PFKFB4: variants seen among roughly 807,000 people sequenced by gnomAD.
PFKFB4 encodes the protein 6-phosphofructo-2-kinase/fructose-2,6-bisphosphatase 4.
In PFKFB4, 42 loss-of-function variants were observed where a neutral mutation model predicts 62.8. The observed-to-expected ratio is 0.67, with a 90% CI of 0.52 to 0.86. PFKFB4 has a LOEUF of 0.86. Among genes scored for constraint, PFKFB4 ranks in the 40% least tolerant of loss-of-function variants. The pLI, the probability that PFKFB4 is intolerant of heterozygous loss-of-function variation, is 0.00. For missense variants in PFKFB4, 475 were observed against 627.2 expected (o/e 0.76, Z 2.59); for synonymous variants, 204 against 240.7 (o/e 0.85, Z 1.41).
chr3:48,543,341 A>T (rs893828726), intron 4 of PFKFB4, among the ~76,000 whole-genome samples: 2 of 152,196 alleles, frequency 1.3e-5, no homozygotes, highest in African/African-American at 2.4e-5. Context: ...AAGCATCCAG[A>T]GGGAAGTCCT....
intron 8 of PFKFB4, 105 bp downstream of exon 8, chr3:48,536,151 T>C: frequency 1.1e-6 from 1 of 946,242 alleles, no homozygotes; most frequent in Admixed American, 2.1e-5. Flanking sequence ...GACTGCACAT[T>C]AAAAGAATGG....
rs372406939 is a variant in PFKFB4, at chr3:48,523,592, C to T, written c.1230G>A (p.Leu410=). Reference sequence around the variant, plus strand: ...TGTGCAGCGGACACTTGAGGTAGGGCAGCTGTTCTGTAGACACAGAGGGGG... The same window carrying T: ...TGTGCAGCGGACACTTGAGGTAGGGTAGCTGTTCTGTAGACACAGAGGGGG... ...AYFLDKAAEQ[L]PYLKCPLHTV... The change falls in exon 12 of 14, where the codon CTG becomes CTA. Residue 410 remains leucine, a synonymous_variant. Coordinates refer to ENST00000232375, the MANE Select transcript of PFKFB4 (RefSeq NM_004567.4). 5.6e-6 allele frequency: 9 copies of T among 1,614,034 alleles called. No homozygotes were observed. In the African/African-American group the frequency reaches 1.2e-4, roughly 22 times the overall value.
chr3:48,559,420 C>G, upstream of PFKFB4: 1 of 426,486 alleles, frequency 2.3e-6, no homozygotes, highest in Non-Finnish European at 4.8e-6. Context: ...AAAGCGAGTC[C>G]ACAGTGCAGC....
At position 48,518,809 on chromosome 3, in the gene PFKFB4, G is replaced by A. The variant is rs1280104393; in HGVS notation, c.*938C>T. ...GTTTCTGCCACCAGTGTACATTCCT[G>A]TGTGGACACGGGCAGCAACAGGGGA... is the stretch of plus-strand genomic sequence containing the variant. On this transcript the variant is annotated 3_prime_UTR_variant, in exon 14 of 14. Coordinates refer to ENST00000232375, the MANE Select transcript of PFKFB4 (RefSeq NM_004567.4). The A allele has an allele frequency of 6.6e-6, 1 of 152,232 alleles. No homozygotes were observed. The highest frequency in any genetic ancestry group is 6.5e-5 in the Admixed American group (1 of 15,288). 9.4% of individuals were successfully genotyped at this position (152,232 alleles called of 1,614,324 possible).
chr3:48,562,922 G>C, upstream of PFKFB4: 1 of 1,605,140 alleles, frequency 6.2e-7, no homozygotes, highest in Non-Finnish European at 8.5e-7. The surrounding 1 kb of genome is among the most constrained non-coding windows in gnomAD (Gnocchi z 4.3). Context: ...GCGCGAGCCA[G>C]GGTGGCGGGT....
intron 3 of PFKFB4, among the ~76,000 whole-genome samples, chr3:48,543,902 C>G (rs1299094232): frequency 2.0e-5 from 3 of 152,152 alleles, no homozygotes; most frequent in Non-Finnish European, 4.4e-5. Context: ...TATTTTCCCT[C>G]ATCCTCTCAT....
upstream of PFKFB4, chr3:48,559,904 A>C (rs1349671190): frequency 1.3e-5 from 1 of 74,408 alleles, no homozygotes; most frequent in Non-Finnish European, 2.5e-5. Context: ...CCCACCACAC[A>C]CACACACACA....
chr3:48,525,339 G>T (rs2042223285), intron 10 of PFKFB4, among the ~76,000 whole-genome samples: 1 of 152,158 alleles, frequency 6.6e-6, no homozygotes, highest in Non-Finnish European at 1.5e-5. Flanking sequence ...TTGAAGGCCT[G>T]CCCTACATGG....
intron 3 of PFKFB4, among the ~76,000 whole-genome samples, chr3:48,545,914 A>G (rs1459149422): frequency 6.6e-6 from 1 of 152,194 alleles, no homozygotes; most frequent in Non-Finnish European, 1.5e-5. Flanking sequence ...TTCTGGGCTA[A>G]GATCTCTTTT....
chr3:48,538,953 G>T (rs534467160), intron 6 of PFKFB4, among the ~76,000 whole-genome samples: 29 of 152,146 alleles, frequency 1.9e-4, no homozygotes, highest in Non-Finnish European at 4.0e-4. Flanking sequence ...GGGAAGGAAA[G>T]AATGAGTCTT....
At chr3:48,562,319 C>G (rs2043444521), upstream of PFKFB4, 1 of 162,548 alleles carries the variant, frequency 6.2e-6, no homozygotes, top group African/African-American at 2.4e-5. This position sits in a 1 kb window ranked among gnomAD's most constrained non-coding sequence, Gnocchi z 4.3. Flanking sequence ...CTGTGGGCCT[C>G]AGAGGGACTG....
upstream of PFKFB4, among the ~76,000 whole-genome samples, chr3:48,557,768 C>G (rs959599526): frequency 2.6e-5 from 4 of 152,106 alleles, no homozygotes; most frequent in Non-Finnish European, 4.4e-5. Flanking sequence ...AACTCCTGAC[C>G]TCAGGTGATA....
At chr3:48,541,690 G>T (rs1157071391) in intron 4 of PFKFB4, among the ~76,000 whole-genome samples, 1 of 152,242 alleles carries the variant, frequency 6.6e-6, no homozygotes. Flanking sequence ...TTTGGGCCGG[G>T]TGCAGTGGCT....
chr3:48,553,064 G>A (rs1169253767), intron 1 of PFKFB4, among the ~76,000 whole-genome samples: 1 of 152,232 alleles, frequency 6.6e-6, no homozygotes, highest in Non-Finnish European at 1.5e-5. Context: ...ACAACAAGGA[G>A]GGAACACATT....
In PFKFB4 at chr3:48,539,300, A is replaced by G; in HGVS notation, c.464T>C (p.Val155Ala). The change falls in exon 6 of 14, where the codon GTC becomes GCC. Residue 155 changes from valine (V) to alanine (A), a missense_variant. Coordinates refer to ENST00000232375, the MANE Select transcript of PFKFB4 (RefSeq NM_004567.4). ...GEQNGYKTFFVESICVDPEVI... is the reference protein window; with the variant it reads ...GEQNGYKTFFAESICVDPEVI... ...CTCAGGATCCACACAGATGGACTCG[A>G]CAAAAAAGGTCTGCGGCAGGACCAG... The G allele has an allele frequency of 6.2e-7, 1 of 1,614,060 alleles. No individual in the cohort carries two copies. Among genetic ancestry groups the G allele is most frequent in the African/African-American group, 1.3e-5 (1 of 75,056 alleles).
chr3:48,545,826 C>T (rs187389883), intron 3 of PFKFB4, among the ~76,000 whole-genome samples: 31 of 152,276 alleles, frequency 2.0e-4, no homozygotes, highest in African/African-American at 7.2e-4. Context: ...GTGCTTTCTT[C>T]CTCATGCCAA....
intron 4 of PFKFB4, among the ~76,000 whole-genome samples, chr3:48,542,073 G>A (rs758260471): frequency 5.9e-5 from 9 of 152,208 alleles, no homozygotes; most frequent in Non-Finnish European, 8.8e-5. Flanking sequence ...AAGGCTGGGC[G>A]TGGTGGCTCA....
chr3:48,525,278 CT>C (rs2042221930), intron 10 of PFKFB4, among the ~76,000 whole-genome samples: 1 of 152,180 alleles, frequency 6.6e-6, no homozygotes, highest in African/African-American at 2.4e-5. Flanking sequence ...TTCTCCACCC[CT>C]GGGAAGGGGA....
At chr3:48,542,824 G>A (rs559987160) in intron 4 of PFKFB4, among the ~76,000 whole-genome samples, 1 of 152,140 alleles carries the variant, frequency 6.6e-6, no homozygotes, top group South Asian at 2.1e-4. Flanking sequence ...TCAAATGTGA[G>A]GATTAAAAAA....
Sources: allele counts gnomAD v4.1 joint callset (sites outside exome capture counted in the v4.1 genomes callset), GRCh38; gene constraint gnomAD v4.1.1; non-coding constraint Gnocchi (gnomAD v3.1); transcripts MANE v1.5; gene names NCBI Gene and HGNC (gene_info 2026-07-23, HGNC 2026-07-21).